Variants in SDC2 observed in about 807,000 individuals in gnomAD.
The protein encoded by SDC2 is syndecan-2.
In SDC2, 13 loss-of-function variants were observed where a neutral mutation model predicts 22.2. The ratio of observed to expected loss-of-function variants is 0.59; its 90% CI spans 0.38 to 0.93. The LOEUF (loss-of-function observed/expected upper bound fraction) is 0.93, where lower values mean the gene tolerates loss of function less well. Among genes scored for constraint, SDC2 ranks in the 40% least tolerant of loss-of-function variants. The pLI is 0.00. For missense variants in SDC2, 235 were observed against 246.8 expected (o/e 0.95, Z 0.32); for synonymous variants, 94 against 92.8 (o/e 1.01, Z -0.07).
At chr8:96,593,016 A>C (rs1379115302) in intron 1 of SDC2, among the ~76,000 whole-genome samples, 1 of 152,234 alleles carries the variant, frequency 6.6e-6, no homozygotes, top group Non-Finnish European at 1.5e-5. Flanking sequence ...AAGCACTGGT[A>C]GGATTTGATG....
chr8:96,495,611 T>C (rs1813061492), intron 1 of SDC2, among the ~76,000 whole-genome samples: 1 of 152,246 alleles, frequency 6.6e-6, no homozygotes, highest in South Asian at 2.1e-4. Context: ...GAATGGTCTT[T>C]TCAAAGACAA....
chr8:96,560,690 G>A lies in SDC2; in HGVS notation c.61-32790G>A, dbSNP rs1382069578. On this transcript the variant is annotated intron_variant, in intron 1 of 4. Transcript: ENST00000302190. ...TTATTTTTGGATCATTAAACCCTTT[G>A]AGAATCTAAGGAAAGCTATGTACAT... is the stretch of plus-strand genomic sequence containing the variant. 4.6e-5 allele frequency among the ~76,000 whole-genome samples: 7 copies of A among 151,590 alleles called. No homozygotes were observed. The East Asian group carries it at 1.2e-3, about 25-fold the overall frequency.
rs759007672 is a variant in SDC2, at chr8:96,593,529, T to C, written c.110T>C (p.Ile37Thr). 13 of 1,614,160 alleles carry C rather than the reference T, an allele frequency of 8.1e-6. No homozygotes were observed. The highest frequency in any genetic ancestry group is 2.2e-5 in the East Asian group (1 of 44,880). The change falls in exon 2 of 5, where the codon ATT (isoleucine) becomes ACT (threonine). Residue 37 changes from isoleucine to threonine, a missense_variant. Coordinates refer to ENST00000302190, the MANE Select transcript of SDC2 (RefSeq NM_002998.4). ...DKDMYLDNSS[I>T]EEASGVYPID... ...GACATGTACCTTGACAACAGCTCCATTGAAGAAGCTTCAGGAGTGTATCCT... is the reference window on the plus strand; with the variant it reads ...GACATGTACCTTGACAACAGCTCCACTGAAGAAGCTTCAGGAGTGTATCCT...
chr8:96,555,369 G>A (rs534593363), intron 1 of SDC2, among the ~76,000 whole-genome samples: 1 of 152,252 alleles, frequency 6.6e-6, no homozygotes, highest in South Asian at 2.1e-4. Flanking sequence ...GGAATCCTAT[G>A]TTCTGTTTAG....
chr8:96,496,663 T>C (rs1813081672), intron 1 of SDC2, among the ~76,000 whole-genome samples: 1 of 152,240 alleles, frequency 6.6e-6, no homozygotes, highest in Admixed American at 6.5e-5. Flanking sequence ...AAACTGCAAC[T>C]GTTTCCTGGG....
At chr8:96,604,605 A>C (rs754960614) in intron 3 of SDC2, among the ~76,000 whole-genome samples, 1 of 148,784 alleles carries the variant, frequency 6.7e-6, no homozygotes, top group Admixed American at 6.7e-5. Context: ...TTGCTTTTCA[A>C]TTGGTCTCAC....
intron 1 of SDC2, among the ~76,000 whole-genome samples, chr8:96,559,557 A>G (rs929461149): frequency 2.6e-5 from 4 of 152,226 alleles, no homozygotes; most frequent in African/African-American, 9.6e-5. Context: ...TGCTGCTTAT[A>G]TAGCCATATA....
At chr8:96,584,613 A>G (rs1814650547) in intron 1 of SDC2, among the ~76,000 whole-genome samples, 1 of 152,192 alleles carries the variant, frequency 6.6e-6, no homozygotes, top group African/African-American at 2.4e-5. Flanking sequence ...GACCCTCTCC[A>G]GCACTTGGAG....
At chr8:96,566,814 T>C (rs2589193) in intron 1 of SDC2, among the ~76,000 whole-genome samples, 5,994 of 151,480 alleles carry the variant, frequency 0.04, 440 homozygotes, top group African/African-American at 0.14. Flanking sequence ...GGGAGGGGGG[T>C]GTGGTTATGT....
chr8:96,494,385 A>C, intron 1 of SDC2, 54 bp downstream of exon 1: 1 of 1,515,980 alleles, frequency 6.6e-7, no homozygotes. Flanking sequence ...TGAAGCTACG[A>C]GAGGAGCCCG....
chr8:96,581,354 C>A (rs1029919864), intron 1 of SDC2, among the ~76,000 whole-genome samples: 3 of 152,156 alleles, frequency 2.0e-5, no homozygotes, highest in African/African-American at 7.2e-5. Flanking sequence ...GAGGGCTGGG[C>A]ATGGTGGCTC....
At chr8:96,587,497 C>T (rs917528039) in intron 1 of SDC2, among the ~76,000 whole-genome samples, 11 of 152,154 alleles carry the variant, frequency 7.2e-5, no homozygotes, top group African/African-American at 2.7e-4. Flanking sequence ...AAACAAAGGG[C>T]TCTTTCCTTC....
chr8:96,499,317 C>T (rs941649987), intron 1 of SDC2, among the ~76,000 whole-genome samples: 2 of 152,182 alleles, frequency 1.3e-5, no homozygotes, highest in Non-Finnish European at 1.5e-5. Flanking sequence ...AGATTTCAGG[C>T]CTCCTCTCAG....
chr8:96,600,504 A>G (rs1036975654), intron 2 of SDC2, among the ~76,000 whole-genome samples: 4 of 152,236 alleles, frequency 2.6e-5, no homozygotes, highest in Non-Finnish European at 5.9e-5. Flanking sequence ...AGAGCCTGTT[A>G]TGTCTTAGAC....
At chr8:96,558,705 A>AG (rs1365558205) in intron 1 of SDC2, among the ~76,000 whole-genome samples, 1 of 152,158 alleles carries the variant, frequency 6.6e-6, no homozygotes, top group Non-Finnish European at 1.5e-5. Flanking sequence ...AGCCCCAAAG[A>AG]GGGGAATATA....
rs539343976 is a variant in SDC2, at chr8:96,611,677, C to T, written c.*2129C>T. The T allele has an allele frequency of 6.6e-6, 1 of 152,632 alleles. No homozygotes were observed. Among genetic ancestry groups the T allele is most frequent in the East Asian group, 1.9e-4 (1 of 5,184 alleles). The allele number at this position is 152,632 out of a possible 1,614,324, so 9.5% of individuals were successfully genotyped here. On this transcript the variant is annotated 3_prime_UTR_variant, in exon 5 of 5. Coordinates refer to ENST00000302190, the MANE Select transcript of SDC2 (RefSeq NM_002998.4). The stretch of plus-strand genomic sequence containing the variant: ...TAACAACTGCTGGGAATATCCGTGC[C>T]AGGAAAAGAAAAATTTCTGGCAAAT...
At position 96,494,176 on chromosome 8, in the gene SDC2, G is replaced by C; in HGVS notation, c.-96G>C. On this transcript the variant is annotated 5_prime_UTR_variant, in exon 1 of 5. Transcript: ENST00000302190. ...CGCAATCGCTGCGGTACTCTGCTCC[G>C]GATTCGTGTGCGCGGGCTGCGCCGA... 7.6e-7 allele frequency: 1 copy of C among 1,314,932 alleles called. No homozygotes were observed. Among genetic ancestry groups the C allele is most frequent in the Non-Finnish European group, 1.0e-6 (1 of 953,912 alleles). 81.5% of individuals were successfully genotyped at this position (1,314,932 alleles called of 1,614,324 possible). A position where few individuals can be genotyped will look rare whatever the true frequency, so the allele number is the denominator to read the frequency against.
intron 1 of SDC2, among the ~76,000 whole-genome samples, chr8:96,545,917 GA>G (rs1329363166): frequency 1.3e-5 from 2 of 152,328 alleles, no homozygotes; most frequent in African/African-American, 4.8e-5. Flanking sequence ...GGGGACACTA[GA>G]ACTCTAGCTG....
intron 3 of SDC2, among the ~76,000 whole-genome samples, chr8:96,606,333 C>G (rs925352894): frequency 2.0e-5 from 3 of 152,120 alleles, no homozygotes; most frequent in African/African-American, 4.8e-5. Flanking sequence ...ATCCTCTCAC[C>G]TTGGGCTCCC....
Sources: allele counts gnomAD v4.1 joint callset (sites outside exome capture counted in the v4.1 genomes callset), GRCh38; gene constraint gnomAD v4.1.1; transcripts MANE v1.5; gene names NCBI Gene and HGNC (gene_info 2026-07-23, HGNC 2026-07-21).